TMEM163: variants seen among roughly 807,000 people sequenced by gnomAD.
TMEM163 encodes transmembrane protein 163.
In TMEM163, 17 loss-of-function variants were observed where a neutral mutation model predicts 29.3. The ratio of observed to expected loss-of-function variants is 0.58; its 90% CI spans 0.40 to 0.87. The LOEUF is 0.87. Ranked by LOEUF, TMEM163 falls within the 40% of genes least tolerant of loss-of-function variation. TMEM163 has a pLI of 0.00. For missense variants in TMEM163, 303 were observed against 381.5 expected (o/e 0.79, Z 1.71); for synonymous variants, 157 against 160.6 (o/e 0.98, Z 0.17).
intron 4 of TMEM163, among the ~76,000 whole-genome samples, chr2:134,527,332 A>T (rs1008407574): frequency 6.6e-6 from 1 of 152,120 alleles, no homozygotes; most frequent in Non-Finnish European, 1.5e-5. Flanking sequence ...AGAGAGAGAG[A>T]GGAAGGAAGG....
chr2:134,704,713 C>G (rs1003362368), intron 2 of TMEM163, among the ~76,000 whole-genome samples: 1 of 151,962 alleles, frequency 6.6e-6, no homozygotes, highest in African/African-American at 2.4e-5. Flanking sequence ...AAGGCTCCCC[C>G]ACGCTCTTCC....
At chr2:134,582,168 G>A (rs1469589001) in intron 2 of TMEM163, among the ~76,000 whole-genome samples, 1 of 152,116 alleles carries the variant, frequency 6.6e-6, no homozygotes, top group Admixed American at 6.5e-5. Flanking sequence ...TAATTAGAAA[G>A]GAACTAAAAG....
chr2:134,627,974 A>G (rs1682889619), intron 2 of TMEM163, among the ~76,000 whole-genome samples: 1 of 152,236 alleles, frequency 6.6e-6, no homozygotes, highest in African/African-American at 2.4e-5. Flanking sequence ...TGAATTGCAA[A>G]CTAAATTAAT....
intron 2 of TMEM163, among the ~76,000 whole-genome samples, chr2:134,562,245 C>T (rs1382861084): frequency 6.6e-6 from 1 of 152,214 alleles, no homozygotes; most frequent in Non-Finnish European, 1.5e-5. Flanking sequence ...AAGCAGCACA[C>T]AAAAGCGTGA....
chr2:134,643,304 A>G (rs1003528526), intron 2 of TMEM163, among the ~76,000 whole-genome samples: 7 of 152,154 alleles, frequency 4.6e-5, no homozygotes, highest in African/African-American at 1.7e-4. Flanking sequence ...TAAATGGAAT[A>G]GTACTCTAAC....
intron 2 of TMEM163, among the ~76,000 whole-genome samples, chr2:134,599,137 G>T (rs1420555050): frequency 6.6e-6 from 1 of 151,906 alleles, no homozygotes; most frequent in African/African-American, 2.4e-5. Context: ...CAAGTATGTA[G>T]GTGTTGACTC....
chr2:134,640,640 C>A (rs112247215), intron 2 of TMEM163, among the ~76,000 whole-genome samples: 3 of 152,152 alleles, frequency 2.0e-5, no homozygotes, highest in Non-Finnish European at 4.4e-5. Context: ...CTCCAACCCA[C>A]GGGAAAAGAC....
intron 2 of TMEM163, among the ~76,000 whole-genome samples, chr2:134,591,195 G>A (rs948709954): frequency 1.3e-4 from 20 of 152,068 alleles, no homozygotes; most frequent in African/African-American, 4.3e-4. Context: ...TCCCCTCTCC[G>A]TGGCAGAGAG....
At chr2:134,718,110 C>A (rs1685073823) in intron 1 of TMEM163, among the ~76,000 whole-genome samples, 1 of 152,272 alleles carries the variant, frequency 6.6e-6, no homozygotes, top group South Asian at 2.1e-4. Context: ...ATGTCCCATT[C>A]CTCTGCCCCA....
rs569633013 is a variant in TMEM163 at position 134,549,880 on chromosome 2, A to G, written c.458+690T>C. Among the ~76,000 whole-genome samples, 8 of 150,942 alleles carry G rather than the reference A, an allele frequency of 5.3e-5. No individual in the cohort carries two copies. In the South Asian group the frequency reaches 1.7e-3, roughly 31 times the overall value. The stretch of plus-strand genomic sequence containing the variant: ...TGTGTTTGTGTGTGTGTGTGTGTGT[A>G]CTCATTGCAATCATCCTACGAAAGA... On this transcript the variant is annotated intron_variant, in intron 4 of 7. Transcript: ENST00000281924.
intron 2 of TMEM163, among the ~76,000 whole-genome samples, chr2:134,604,505 T>C (rs1682306988): frequency 6.8e-6 from 1 of 148,084 alleles, no homozygotes; most frequent in Non-Finnish European, 1.5e-5. Flanking sequence ...TGTAAAGAGA[T>C]AAGGAGGGGT....
intron 2 of TMEM163, among the ~76,000 whole-genome samples, chr2:134,655,391 A>C (rs1468663265): frequency 9.7e-6 from 1 of 103,358 alleles, no homozygotes; most frequent in Non-Finnish European, 1.9e-5. Context: ...CTTGGTTTTC[A>C]GCTCCATCAG....
At chr2:134,531,621 C>G (rs377700041) in intron 4 of TMEM163, among the ~76,000 whole-genome samples, 10 of 152,306 alleles carry the variant, frequency 6.6e-5, no homozygotes, top group African/African-American at 2.4e-4. Flanking sequence ...CTTACATTGA[C>G]TGGTTTATTA....
intron 4 of TMEM163, among the ~76,000 whole-genome samples, chr2:134,519,518 T>C (rs1680146203): frequency 6.6e-6 from 1 of 152,076 alleles, no homozygotes; most frequent in African/African-American, 2.4e-5. Context: ...GAGACCATCC[T>C]GGCTAACACA....
chr2:134,603,663 C>T (rs1479075348), intron 2 of TMEM163, among the ~76,000 whole-genome samples: 1 of 152,126 alleles, frequency 6.6e-6, no homozygotes, highest in East Asian at 1.9e-4. Flanking sequence ...CACACAAGAC[C>T]TCAGTACATG....
chr2:134,544,141 C>A (rs1680732079), intron 4 of TMEM163, among the ~76,000 whole-genome samples: 1 of 152,124 alleles, frequency 6.6e-6, no homozygotes, highest in Non-Finnish European at 1.5e-5. Context: ...TCAAGCTGGA[C>A]CTTCTGTGGC....
chr2:134,547,484 A>G (rs16830777), intron 4 of TMEM163, among the ~76,000 whole-genome samples: 2,940 of 152,280 alleles, frequency 0.019, 81 homozygotes, highest in African/African-American at 0.065. Context: ...ATATTTTCCA[A>G]TTTCCTCTAA....
intron 4 of TMEM163, among the ~76,000 whole-genome samples, chr2:134,523,509 A>G (rs181545253): frequency 2.0e-5 from 3 of 152,322 alleles, no homozygotes; most frequent in South Asian, 2.1e-4. Context: ...TTCAAAATCC[A>G]TTACTGAGAA....
At chr2:134,707,729 TG>T (rs951476500) in intron 2 of TMEM163, among the ~76,000 whole-genome samples, 6 of 151,968 alleles carry the variant, frequency 3.9e-5, no homozygotes, top group African/African-American at 1.4e-4. Flanking sequence ...TCTGGGGGAA[TG>T]GGCGCCTGCA....
Sources: allele counts gnomAD v4.1 joint callset (sites outside exome capture counted in the v4.1 genomes callset), GRCh38; gene constraint gnomAD v4.1.1; transcripts MANE v1.5; gene names NCBI Gene and HGNC (gene_info 2026-07-23, HGNC 2026-07-21).